AGL: variants seen among roughly 807,000 people sequenced by gnomAD.
AGL encodes the protein glycogen debranching enzyme.
A neutral mutation model predicts 199.3 loss-of-function variants in AGL; 128 were observed. The observed-to-expected ratio is 0.64, with a 90% CI of 0.56 to 0.74. The LOEUF (loss-of-function observed/expected upper bound fraction) is 0.74, where lower values mean the gene tolerates loss of function less well. AGL is among the 30% of genes least tolerant of loss of function. The pLI is 0.00. For synonymous variants in AGL, 584 were observed against 594.7 expected (o/e 0.98, Z 0.26); for missense variants, 1,809 against 1,820.8 (o/e 0.99, Z 0.12).
At chr1:99,888,155 T>C in intron 21 of AGL, 47 bp downstream of exon 21, 1 of 1,605,502 alleles carries the variant, frequency 6.2e-7, no homozygotes, top group Non-Finnish European at 8.5e-7. Flanking sequence ...TCTTTTAGGG[T>C]CATCTGGTGT....
chr1:99,914,378 G>T (rs895768713), intron 30 of AGL, among the ~76,000 whole-genome samples: 6 of 152,232 alleles, frequency 3.9e-5, no homozygotes, highest in African/African-American at 1.4e-4. Context: ...GCTGCAATCA[G>T]TTTGTCCGGC....
intron 2 of AGL, among the ~76,000 whole-genome samples, chr1:99,852,255 C>G (rs1409701690): frequency 6.6e-6 from 1 of 151,820 alleles, no homozygotes; most frequent in Non-Finnish European, 1.5e-5. Flanking sequence ...AAGCTTTCAG[C>G]ATTTGATGAC....
chr1:99,872,118 A>G (rs1269690028), intron 7 of AGL, among the ~76,000 whole-genome samples: 1 of 152,166 alleles, frequency 6.6e-6, no homozygotes, highest in African/African-American at 2.4e-5. Flanking sequence ...GCAATATGCT[A>G]TTTTTAAAGT....
intron 25 of AGL, among the ~76,000 whole-genome samples, chr1:99,897,510 T>C (rs1380814318): frequency 1.3e-5 from 2 of 152,236 alleles, no homozygotes; most frequent in African/African-American, 4.8e-5. Context: ...TTTGATACTT[T>C]TAAAACTGAA....
intron 5 of AGL, among the ~76,000 whole-genome samples, chr1:99,865,997 G>C (rs1297221277): frequency 6.6e-6 from 1 of 152,158 alleles, no homozygotes; most frequent in Non-Finnish European, 1.5e-5. Context: ...GCCAGGTGCT[G>C]TGGCTTGCAC....
chr1:99,916,606 G>A lies in AGL; in HGVS notation c.4356G>A (p.Leu1452=), dbSNP rs764387845. 5.0e-6 allele frequency: 8 copies of A among 1,613,096 alleles called. No homozygotes were observed. Among genetic ancestry groups the A allele is most frequent in the African/African-American group, 1.3e-5 (1 of 74,852 alleles). ...TAAATAATCTTTTTTAGGAGTGGCTGTGGCCTATTGGGTATTTTCTTCGTG... is the reference window on the plus strand; with the variant it reads ...TAAATAATCTTTTTTAGGAGTGGCTATGGCCTATTGGGTATTTTCTTCGTG... The part of the protein sequence containing the change: ...GFNYHQGPEW[L]WPIGYFLRAK... The change falls in exon 33 of 34, where the codon CTG becomes CTA. Residue 1452 remains leucine (L), a synonymous_variant. Transcript: ENST00000361915.
chr1:99,900,891 T>A, intron 26 of AGL, 30 bp downstream of exon 26: 1 of 183,596 alleles, frequency 5.4e-6, no homozygotes, highest in Non-Finnish European at 8.4e-6. Context: ...TGTTTTTTTG[T>A]TTTTTTTTTT....
At chr1:99,916,147 T>C (rs1655096079) in intron 31 of AGL, among the ~76,000 whole-genome samples, 1 of 152,194 alleles carries the variant, frequency 6.6e-6, no homozygotes, top group Non-Finnish European at 1.5e-5. Flanking sequence ...CCAGGCTAAC[T>C]TCTTTAAGGC....
At chr1:99,887,754 T>G (rs572762821) in intron 20 of AGL, among the ~76,000 whole-genome samples, 2 of 152,324 alleles carry the variant, frequency 1.3e-5, no homozygotes, top group South Asian at 4.1e-4. Context: ...ACTTGATTAT[T>G]TGCTTGGTTT....
At chr1:99,876,712 C>A in intron 11 of AGL, 115 bp downstream of exon 11, 1 of 1,260,158 alleles carries the variant, frequency 7.9e-7, no homozygotes, top group Non-Finnish European at 1.2e-6. Context: ...TTAAATATTT[C>A]ACCATAAAGG....
chr1:99,854,632 C>G (rs531231361), intron 2 of AGL, among the ~76,000 whole-genome samples: 16 of 151,968 alleles, frequency 1.1e-4, no homozygotes, highest in African/African-American at 3.9e-4. Context: ...GGCCTGGTGG[C>G]GGGCGCCTCT....
chr1:99,891,234 T>C lies in AGL; in HGVS notation c.2827T>C (p.Leu943=). 5 of 1,613,630 alleles carry C rather than the reference T, an allele frequency of 3.1e-6. No individual in the cohort carries two copies. Among genetic ancestry groups the C allele is most frequent in the Non-Finnish European group, 4.2e-6 (5 of 1,179,654 alleles). ...YAGLQGLMSV[L]AEIRPKNDLG... is the part of the protein sequence containing the mutation. ...TGAATTTTCAGGTTTAATGTCTGTATTGGCAGAAATAAGACCAAAGAATGA... is the reference window on the plus strand; with the variant it reads ...TGAATTTTCAGGTTTAATGTCTGTACTGGCAGAAATAAGACCAAAGAATGA... The change falls in exon 22 of 34, where the codon TTG becomes CTG. Residue 943 remains leucine (L), a synonymous_variant. Coordinates refer to ENST00000361915, the MANE Select transcript of AGL (RefSeq NM_000642.3).
chr1:99,900,525 G>A (rs1653740620), intron 25 of AGL, 111 bp from the exon 26 acceptor site: 2 of 969,408 alleles, frequency 2.1e-6, no homozygotes, highest in Admixed American at 1.8e-5. Context: ...TAAAGAAATA[G>A]GGCAAGAGAG....
intron 21 of AGL, 85 bp from the exon 22 acceptor site, chr1:99,891,135 A>C: frequency 1.3e-6 from 2 of 1,550,176 alleles, no homozygotes; most frequent in Non-Finnish European, 1.8e-6. Context: ...TCACTAGAAT[A>C]GAGACTAGCA....
chr1:99,905,347 C>A (rs1654191152), intron 27 of AGL, among the ~76,000 whole-genome samples: 1 of 151,890 alleles, frequency 6.6e-6, no homozygotes, highest in Non-Finnish European at 1.5e-5. Context: ...AGGTGCATGC[C>A]ACCACAACTA....
intron 17 of AGL, among the ~76,000 whole-genome samples, chr1:99,882,936 A>G (rs1019969740): frequency 2.0e-5 from 3 of 152,166 alleles, no homozygotes; most frequent in African/African-American, 4.8e-5. Flanking sequence ...TATATTCACT[A>G]TCCTTATCTG....
chr1:99,892,360 A>G, intron 23 of AGL, 72 bp from the exon 24 acceptor site: 4 of 1,377,824 alleles, frequency 2.9e-6, no homozygotes, highest in Non-Finnish European at 4.1e-6. Flanking sequence ...TTTGAAGGAA[A>G]GAAACCAAGT....
At chr1:99,906,441 T>C (rs969773684) in intron 27 of AGL, among the ~76,000 whole-genome samples, 2 of 152,204 alleles carry the variant, frequency 1.3e-5, no homozygotes, top group African/African-American at 4.8e-5. Context: ...TTCAGTAGTG[T>C]TAAGTATATT....
At chr1:99,877,874 T>C (rs1557761055) in intron 12 of AGL, 46 bp downstream of exon 12, 3 of 1,581,344 alleles carry the variant, frequency 1.9e-6, no homozygotes, top group Admixed American at 1.7e-5. Flanking sequence ...AATTCAGTGT[T>C]CCTTCCTAGC....
Sources: gnomAD v4.1 joint callset for allele counts (sites outside exome capture counted in the v4.1 genomes callset) on GRCh38, gnomAD v4.1.1 for gene constraint, MANE v1.5 for transcripts, NCBI Gene and HGNC (gene_info 2026-07-23, HGNC 2026-07-21) for gene names.